NRF1: variants seen among roughly 807,000 people sequenced by gnomAD.
The protein encoded by NRF1 is nuclear respiratory factor 1, also known as alpha palindromic-binding protein.
NRF1 carries 5 observed loss-of-function variants against 58.5 expected under a neutral mutation model. The observed-to-expected ratio is 0.09, with a 90% CI of 0.04 to 0.18. The LOEUF (loss-of-function observed/expected upper bound fraction) is 0.18, where lower values mean the gene tolerates loss of function less well. Among genes scored for constraint, NRF1 ranks in the 10% least tolerant of loss-of-function variants. The pLI is 1.00. For missense variants in NRF1, 288 were observed against 657.7 expected (o/e 0.44, Z 6.15); for synonymous variants, 224 against 246.7 (o/e 0.91, Z 0.86).
chr7:129,712,671 A>AC, intron 8 of NRF1, among the ~76,000 whole-genome samples: 1 of 151,896 alleles, frequency 6.6e-6, no homozygotes, highest in Middle Eastern at 3.2e-3. Context: ...ACGTGAATGA[A>AC]CTCTAGCCTT....
At position 129,652,888 on chromosome 7, in the gene NRF1, G is replaced by C. The variant is rs566112564; in HGVS notation, c.-6-4458G>C. Among the ~76,000 whole-genome samples, 3 of 152,128 alleles carry C rather than the reference G, an allele frequency of 2.0e-5. No homozygotes were observed. In the East Asian group the frequency reaches 5.8e-4, roughly 29 times the overall value. ...ATTACAGGCGTGAGCCACCGCGCCC[G>C]GCCAGATTAGTCACTTCTTTGCACA... is the stretch of plus-strand genomic sequence containing the variant. On this transcript the variant is annotated intron_variant, in intron 1 of 10. Coordinates refer to ENST00000393232, the MANE Select transcript of NRF1 (RefSeq NM_005011.5).
At chr7:129,749,927 A>C (rs1192334197) in intron 10 of NRF1, among the ~76,000 whole-genome samples, 2 of 152,120 alleles carry the variant, frequency 1.3e-5, no homozygotes, top group Admixed American at 6.5e-5. Context: ...TGTAGCTCTG[A>C]AATACTAAAG....
intron 2 of NRF1, among the ~76,000 whole-genome samples, chr7:129,670,211 A>C (rs1300133948): frequency 6.6e-6 from 1 of 152,230 alleles, no homozygotes; most frequent in African/African-American, 2.4e-5. Flanking sequence ...GTTGCTCTTC[A>C]GTGATGCAAG....
intron 4 of NRF1, among the ~76,000 whole-genome samples, chr7:129,682,844 T>C (rs1802351219): frequency 1.3e-5 from 1 of 76,680 alleles, no homozygotes; most frequent in Admixed American, 1.7e-4. Flanking sequence ...TACAGGAGCA[T>C]TGACACCTTA....
At chr7:129,723,007 A>G (rs559687372) in intron 9 of NRF1, among the ~76,000 whole-genome samples, 1 of 152,364 alleles carries the variant, frequency 6.6e-6, no homozygotes, top group East Asian at 1.9e-4. Flanking sequence ...TTTTCCAAAG[A>G]GTATACTTTT....
chr7:129,701,480 G>T (rs1427903473), intron 5 of NRF1, among the ~76,000 whole-genome samples: 5 of 151,680 alleles, frequency 3.3e-5, no homozygotes, highest in African/African-American at 1.2e-4. Context: ...CATGCCTGTA[G>T]TCCCAACTAC....
At chr7:129,683,320 T>TGAGAGAGAGAGAGAGAGAGAGAGAGAGA (rs72404049) in intron 4 of NRF1, among the ~76,000 whole-genome samples, 2 of 136,384 alleles carry the variant, frequency 1.5e-5, no homozygotes, top group African/African-American at 5.7e-5. Context: ...TGTGTGTGTG[T>TGAGAGAGAGAGAGAGAGAGAGAGAGAGA]GAGAGAGAGA....
intron 10 of NRF1, among the ~76,000 whole-genome samples, chr7:129,751,707 G>A (rs911526903): frequency 5.9e-5 from 9 of 152,220 alleles, no homozygotes; most frequent in Admixed American, 2.0e-4. Context: ...GGAACTGAAT[G>A]GAGCCCAGAG....
intron 1 of NRF1, among the ~76,000 whole-genome samples, chr7:129,642,618 G>A (rs2151068264): frequency 6.6e-6 from 1 of 152,152 alleles, no homozygotes; most frequent in East Asian, 1.9e-4. Flanking sequence ...AATGCTGGAA[G>A]CATATACATA....
chr7:129,699,585 GC>G (rs1802771491), intron 5 of NRF1, among the ~76,000 whole-genome samples: 1 of 151,812 alleles, frequency 6.6e-6, no homozygotes, highest in Non-Finnish European at 1.5e-5. Flanking sequence ...AAAAAAATTA[GC>G]CAGGTATGAT....
chr7:129,668,937 C>T (rs745749218), intron 2 of NRF1, among the ~76,000 whole-genome samples: 1 of 152,062 alleles, frequency 6.6e-6, no homozygotes, highest in Non-Finnish European at 1.5e-5. Flanking sequence ...CTTTCCCCTC[C>T]CCTCCCCTCC....
At chr7:129,615,656 G>A (rs534712352) in intron 1 of NRF1, among the ~76,000 whole-genome samples, 4 of 152,272 alleles carry the variant, frequency 2.6e-5, no homozygotes, top group Non-Finnish European at 5.9e-5. Context: ...GAATCCACTT[G>A]TTATTTTAGA....
intron 5 of NRF1, among the ~76,000 whole-genome samples, chr7:129,691,397 T>C (rs1802565727): frequency 6.8e-6 from 1 of 146,236 alleles, no homozygotes. Context: ...AGTCTCGAGC[T>C]GTGGCCCAGG....
intron 10 of NRF1, among the ~76,000 whole-genome samples, chr7:129,747,138 G>A (rs1174863289): frequency 1.3e-5 from 2 of 152,166 alleles, no homozygotes; most frequent in African/African-American, 4.8e-5. Flanking sequence ...GAGGACTTCA[G>A]AAATGTATCA....
chr7:129,633,097 A>AT (rs1195083392), intron 1 of NRF1, among the ~76,000 whole-genome samples: 1 of 152,224 alleles, frequency 6.6e-6, no homozygotes, highest in African/African-American at 2.4e-5. Context: ...TACTTGGTAA[A>AT]TTTACTACCT....
intron 1 of NRF1, among the ~76,000 whole-genome samples, chr7:129,625,014 T>C (rs1800882539): frequency 1.3e-5 from 2 of 152,054 alleles, no homozygotes; most frequent in Non-Finnish European, 2.9e-5. Flanking sequence ...GAAACAGAAA[T>C]GTATTCTCTC....
intron 10 of NRF1, among the ~76,000 whole-genome samples, chr7:129,746,089 T>C (rs1308651672): frequency 1.3e-5 from 2 of 152,220 alleles, no homozygotes; most frequent in African/African-American, 4.8e-5. Context: ...GAGGCTGCTC[T>C]TGGCTTCATG....
At chr7:129,754,874 T>G (rs1584699881) in intron 10 of NRF1, 144 bp from the exon 11 acceptor site, 3 of 654,886 alleles carry the variant, frequency 4.6e-6, no homozygotes, top group East Asian at 5.9e-5. Context: ...GAAAGAGATG[T>G]CTTTGTGCCT....
chr7:129,671,861 A>G (rs1022449976), intron 3 of NRF1, among the ~76,000 whole-genome samples: 4 of 152,176 alleles, frequency 2.6e-5, no homozygotes, highest in Non-Finnish European at 4.4e-5. Context: ...AGGGGGAAAG[A>G]AAAAAACAAT....
Sources: gnomAD v4.1 joint callset for allele counts (sites outside exome capture counted in the v4.1 genomes callset) on GRCh38, gnomAD v4.1.1 for gene constraint, MANE v1.5 for transcripts, NCBI Gene and HGNC (gene_info 2026-07-23, HGNC 2026-07-21) for gene names.